The following IL21R variants were observed in gnomAD, a reference collection of about 807,000 sequenced individuals.
IL21R encodes the protein interleukin-21 receptor.
Under a neutral mutation model 41.3 loss-of-function variants are expected in IL21R, and 14 were observed. The observed-to-expected ratio is 0.34, with a 90% CI of 0.22 to 0.53. IL21R has a LOEUF of 0.53. Among genes scored for constraint, IL21R ranks in the 20% least tolerant of loss-of-function variants. The pLI is 0.94. For missense variants in IL21R, 588 were observed against 681.6 expected, an observed-to-expected ratio of 0.86 and a Z score of 1.53; for synonymous variants, 286 against 287.6, an observed-to-expected ratio of 0.99 and a Z score of 0.05.
At chr16:27,418,550 T>G (rs568882591) in intron 1 of IL21R, among the ~76,000 whole-genome samples, 12 of 152,100 alleles carry the variant, frequency 7.9e-5, no homozygotes, top group Admixed American at 5.9e-4. Context: ...TTTGGTATTT[T>G]TAGTAGAGAC....
At position 27,450,420 on chromosome 16, in the gene IL21R, C is replaced by T. The variant is rs567043052; in HGVS notation, c.*1137C>T. 4.3e-6 allele frequency: 1 copy of T among 231,540 alleles called. No homozygotes were observed. The highest frequency in any genetic ancestry group is 1.8e-4 in the South Asian group (1 of 5,518). 14.3% of individuals were successfully genotyped at this position (231,540 alleles called of 1,614,324 possible). ...CTCCGGCCACACATCCTGCTGGGCC[C>T]CCTACCCTGCCCCAATTCAATCCTG... On this transcript the variant is annotated 3_prime_UTR_variant, in exon 9 of 9. Coordinates refer to ENST00000337929, the MANE Select transcript of IL21R (RefSeq NM_181078.3).
chr16:27,430,144 C>A (rs763169520), intron 2 of IL21R, 24 bp downstream of exon 2: 12 of 1,596,790 alleles, frequency 7.5e-6, no homozygotes, highest in Admixed American at 5.0e-5. Context: ...CCGTGGTCTG[C>A]GGGTGGGGAG....
intron 1 of IL21R, among the ~76,000 whole-genome samples, chr16:27,420,448 T>A (rs1259950805): frequency 6.6e-6 from 1 of 152,232 alleles, no homozygotes; most frequent in Non-Finnish European, 1.5e-5. Context: ...CATTTTACAT[T>A]CTCACCCTCC....
At position 27,448,844 on chromosome 16, in the gene IL21R, G is replaced by T. The variant is rs375328425; in HGVS notation, c.1178G>T (p.Ser393Ile). The T allele has an allele frequency of 1.6e-5, 26 of 1,613,100 alleles. No homozygotes were observed. The highest frequency in any genetic ancestry group is 2.1e-5 in the Non-Finnish European group (25 of 1,180,014). ...DAEGPCTWPC[S>I]CEDDGYPALD... Reference sequence around the variant, plus strand: ...GAGGGGCCATGCACCTGGCCCTGCAGCTGTGAGGATGACGGCTACCCAGCC... The same window carrying T: ...GAGGGGCCATGCACCTGGCCCTGCATCTGTGAGGATGACGGCTACCCAGCC... The change falls in exon 9 of 9, where the codon AGC (serine) becomes ATC (isoleucine). Residue 393 changes from serine (S) to isoleucine (I), a missense_variant. By Grantham distance (142) the Ser-to-Ile change is moderately radical. Transcript: ENST00000337929.
chr16:27,441,632 A>G lies in IL21R; in HGVS notation c.353-1330A>G, dbSNP rs142049444. 5.2e-3 allele frequency among the ~76,000 whole-genome samples: 786 copies of G among 152,280 alleles called. 6 individuals are homozygous for G. The highest frequency in any genetic ancestry group is 8.5e-3 in the Non-Finnish European group (581 of 68,012). ...GTAGCTGGGGTTGAAAGAAAATGATACCATCATTTAGAACAGAAATGGAAA... is the reference window on the plus strand; with the variant it reads ...GTAGCTGGGGTTGAAAGAAAATGATGCCATCATTTAGAACAGAAATGGAAA... On this transcript the variant is annotated intron_variant, in intron 4 of 8. Coordinates refer to ENST00000337929, the MANE Select transcript of IL21R (RefSeq NM_181078.3).
At chr16:27,416,731 CA>C (rs1341036710) in intron 1 of IL21R, among the ~76,000 whole-genome samples, 1 of 152,154 alleles carries the variant, frequency 6.6e-6, no homozygotes. Context: ...ATATTTTCAT[CA>C]CTCCAAAAAC....
intron 8 of IL21R, chr16:27,448,283 C>A: frequency 2.1e-6 from 1 of 465,672 alleles, no homozygotes; most frequent in Non-Finnish European, 3.8e-6. Flanking sequence ...GGTGAAACCA[C>A]GTCTCTACTA....
chr16:27,417,802 G>A (rs2086913152), intron 1 of IL21R, among the ~76,000 whole-genome samples: 1 of 152,126 alleles, frequency 6.6e-6, no homozygotes, highest in Non-Finnish European at 1.5e-5. Flanking sequence ...CGGCACACCT[G>A]TGTAGGGCAC....
chr16:27,412,562 A>G (rs2086838406), intron 1 of IL21R, among the ~76,000 whole-genome samples: 1 of 151,848 alleles, frequency 6.6e-6, no homozygotes, highest in Non-Finnish European at 1.5e-5. Context: ...TTTATATTAA[A>G]TTCAGTTTTC....
Position 27,445,527 on chromosome 16 carries a change from T to G in IL21R, c.785+251T>G, listed in dbSNP as rs545436896. ...ATGGAGAAACTGAGGCAAGGAGATG[T>G]CAAGGACAAAGTCACACAGCTCCAA... On this transcript the variant is annotated intron_variant, in intron 7 of 8. Transcript: ENST00000337929. 1.2e-4 allele frequency among the ~76,000 whole-genome samples: 18 copies of G among 152,302 alleles called. No individual in the cohort carries two copies. The East Asian group carries it at 3.1e-3, about 26-fold the overall frequency.
chr16:27,427,278 G>A, intron 1 of IL21R: 1 of 985,614 alleles, frequency 1.0e-6, no homozygotes, highest in Non-Finnish European at 1.2e-6. Context: ...CTCAGATAGA[G>A]GAGCTCTTTG....
chr16:27,403,346 C>T (rs1311783028), intron 1 of IL21R: 5 of 923,426 alleles, frequency 5.4e-6, no homozygotes, highest in South Asian at 4.7e-5. Flanking sequence ...GGAGCGGGAA[C>T]TTAGGACTTG....
Position 27,437,685 on chromosome 16 carries a change from G to A in IL21R, c.350G>A (p.Ser117Asn), listed in dbSNP as rs1402586607. ...QECGSFLLAE[S>N]IKPAPPFNVT... ...TGTGGCAGCTTTCTCCTGGCTGAGA[G>A]CAGTGAGTATCCTGGGACCCCAGGC... Residue 117 changes from serine (S) to asparagine (N), a missense_variant and splice_region_variant, in exon 4 of 9, where the codon AGC (serine) becomes AAC (asparagine). Transcript: ENST00000337929. 1.9e-6 allele frequency: 3 copies of A among 1,613,544 alleles called. No individual in the cohort carries two copies. The East Asian group carries it at 6.7e-5, about 36-fold the overall frequency.
Position 27,418,635 on chromosome 16 carries a change from G to T in IL21R, c.-16-11421G>T, listed in dbSNP as rs893360522. Among the ~76,000 whole-genome samples, 3 of 152,238 alleles carry T rather than the reference G, an allele frequency of 2.0e-5. No individual in the cohort carries two copies. In the East Asian group the frequency reaches 5.8e-4, roughly 30 times the overall value. On this transcript the variant is annotated intron_variant, in intron 1 of 8. Coordinates refer to ENST00000337929, the MANE Select transcript of IL21R (RefSeq NM_181078.3). ...TCTGCCCGCCTTGGCCTCCCAAAGT[G>T]CTGGGATTACAGGCATGAGCCGCTG...
At chr16:27,420,614 A>G (rs935803191) in intron 1 of IL21R, among the ~76,000 whole-genome samples, 3 of 152,214 alleles carry the variant, frequency 2.0e-5, no homozygotes, top group African/African-American at 7.2e-5. Flanking sequence ...CTTTGGAGAA[A>G]TGTCTATCCA....
intron 2 of IL21R, among the ~76,000 whole-genome samples, chr16:27,433,392 G>C (rs1482002038): frequency 6.6e-6 from 1 of 152,170 alleles, no homozygotes; most frequent in Non-Finnish European, 1.5e-5. Flanking sequence ...CTTGAGCCCA[G>C]GAGGTGGAGG....
Position 27,450,491 on chromosome 16 carries a change from G to C in IL21R, c.*1208G>C, listed in dbSNP as rs767107303. 1 of 228,760 alleles carries C rather than the reference G, an allele frequency of 4.4e-6. No individual in the cohort carries two copies. The highest frequency in any genetic ancestry group is 8.7e-6 in the Non-Finnish European group (1 of 115,254). 14.2% of individuals were successfully genotyped at this position (228,760 alleles called of 1,614,324 possible). ...TGTTCATCCTGGAGAATTGAAGGGA[G>C]GTCAAGTTGTTTGTCAATGATTTGT... On this transcript the variant is annotated 3_prime_UTR_variant, in exon 9 of 9. Coordinates refer to ENST00000337929, the MANE Select transcript of IL21R (RefSeq NM_181078.3).
Position 27,449,430 on chromosome 16 carries a change from GT to G in IL21R, c.*148del. 1 of 736,936 alleles carries G rather than the reference GT, an allele frequency of 1.4e-6. No individual in the cohort carries two copies. The highest frequency in any genetic ancestry group is 1.9e-5 in the South Asian group (1 of 53,600). 45.6% of individuals were successfully genotyped at this position (736,936 alleles called of 1,614,324 possible). ...TGATGTTTACAGTGTCTGTGTGTGT[GT>G]GTGCATATGTGTGTGTGTGCATATG... On this transcript the variant is annotated 3_prime_UTR_variant, in exon 9 of 9. Transcript: ENST00000337929.
At chr16:27,420,120 C>A (rs1163496412) in intron 1 of IL21R, among the ~76,000 whole-genome samples, 1 of 152,054 alleles carries the variant, frequency 6.6e-6, no homozygotes, top group Non-Finnish European at 1.5e-5. Flanking sequence ...GAAGTCCTGA[C>A]CTCAAATGAT....
Sources: allele counts gnomAD v4.1 joint callset (sites outside exome capture counted in the v4.1 genomes callset), GRCh38; gene constraint gnomAD v4.1.1; transcripts MANE v1.5; gene names NCBI Gene and HGNC (gene_info 2026-07-23, HGNC 2026-07-21).